AFF1: variants seen among roughly 807,000 people sequenced by gnomAD.
AFF1 encodes the protein AF4/FMR2 family member 1.
A neutral mutation model predicts 121.7 loss-of-function variants in AFF1; 48 were observed. The ratio of observed to expected loss-of-function variants is 0.39; its 90% CI spans 0.31 to 0.50. The LOEUF is 0.50. Among genes scored for constraint, AFF1 ranks in the 20% least tolerant of loss-of-function variants. AFF1 has a pLI of 0.76. For synonymous variants in AFF1, 613 were observed against 563.0 expected, an observed-to-expected ratio of 1.09 and a Z score of -1.26; for missense variants, 1,523 against 1,511.7, an observed-to-expected ratio of 1.01 and a Z score of -0.12.
intron 4 of AFF1, among the ~76,000 whole-genome samples, chr4:87,065,693 A>T (rs1332272562): frequency 1.3e-5 from 2 of 152,196 alleles, no homozygotes; most frequent in Non-Finnish European, 2.9e-5. Context: ...GAAGAAAAAT[A>T]AGTTTTAGGC....
chr4:87,131,338 T>C, intron 17 of AFF1, 119 bp downstream of exon 17: 3 of 1,353,872 alleles, frequency 2.2e-6, no homozygotes, highest in Non-Finnish European at 3.0e-6. Context: ...TTAAAAAAGT[T>C]ATTGGTCTAA....
At chr4:86,966,706 A>T (rs923276906) in intron 2 of AFF1, among the ~76,000 whole-genome samples, 2 of 152,156 alleles carry the variant, frequency 1.3e-5, no homozygotes, top group East Asian at 3.8e-4. Flanking sequence ...GCGTGTGGGC[A>T]TCTTCCTCTA....
At chr4:86,989,968 T>C (rs918973608) in intron 2 of AFF1, among the ~76,000 whole-genome samples, 9 of 151,958 alleles carry the variant, frequency 5.9e-5, no homozygotes, top group Admixed American at 2.0e-4. Flanking sequence ...TCAGTGGGAA[T>C]TGAACAGTGA....
chr4:87,056,276 T>A (rs975901842), intron 4 of AFF1, among the ~76,000 whole-genome samples: 4 of 152,206 alleles, frequency 2.6e-5, no homozygotes, highest in Admixed American at 1.3e-4. Flanking sequence ...TTACAAATAA[T>A]AGAACTCTGA....
chr4:87,029,085 G>A (rs1728815336), intron 2 of AFF1, among the ~76,000 whole-genome samples: 3 of 152,124 alleles, frequency 2.0e-5, no homozygotes, highest in Admixed American at 1.3e-4. Context: ...CTGAAATCGG[G>A]CAGGTTGTAA....
At chr4:87,022,492 A>AT (rs1728001923) in intron 2 of AFF1, among the ~76,000 whole-genome samples, 1 of 146,112 alleles carries the variant, frequency 6.8e-6, no homozygotes, top group Admixed American at 6.9e-5. Flanking sequence ...TAGCCCACAA[A>AT]ATCCAAATAA....
intron 2 of AFF1, among the ~76,000 whole-genome samples, chr4:86,973,227 C>T (rs766224232): frequency 6.6e-6 from 1 of 152,144 alleles, no homozygotes; most frequent in Non-Finnish European, 1.5e-5. Context: ...GTTCCTTTGG[C>T]AGCCAACTGT....
intron 2 of AFF1, among the ~76,000 whole-genome samples, chr4:87,027,676 T>A (rs1728654257): frequency 6.6e-6 from 1 of 152,184 alleles, no homozygotes; most frequent in African/African-American, 2.4e-5. Context: ...TTTAATGAAT[T>A]TCACAGTAAA....
chr4:87,090,257 C>G (rs1489413786), intron 6 of AFF1, among the ~76,000 whole-genome samples, 187 bp downstream of exon 6: 1 of 152,162 alleles, frequency 6.6e-6, no homozygotes, highest in East Asian at 1.9e-4. Flanking sequence ...TTAGAACATC[C>G]TAGATTTTCA....
At chr4:86,936,714 T>G (rs531794349) in intron 1 of AFF1, among the ~76,000 whole-genome samples, 1 of 152,320 alleles carries the variant, frequency 6.6e-6, no homozygotes, top group African/African-American at 2.4e-5. Context: ...CGGAAGTAGA[T>G]TCACAGGAGA....
At position 87,136,923 on chromosome 4, in the gene AFF1, A is replaced by G. The variant is rs972327397; in HGVS notation, c.*1222A>G. On this transcript the variant is annotated 3_prime_UTR_variant, in exon 21 of 21. Transcript: ENST00000395146. ...GAAAAACTCATCACCACATGCCTTC[A>G]CTCCAGAGTGTTCTCAGCTAGATTT... 1.4e-5 allele frequency: 3 copies of G among 220,672 alleles called. No individual in the cohort carries two copies. The highest frequency in any genetic ancestry group is 1.3e-4 in the East Asian group (2 of 14,962). 13.7% of individuals were successfully genotyped at this position (220,672 alleles called of 1,614,324 possible).
chr4:87,037,519 G>A (rs950330191), intron 2 of AFF1, among the ~76,000 whole-genome samples: 1 of 151,984 alleles, frequency 6.6e-6, no homozygotes, highest in African/African-American at 2.4e-5. Flanking sequence ...CACCATGTTC[G>A]CCAGGCTAGT....
At chr4:87,116,024 A>G (rs1727085198) in intron 12 of AFF1, among the ~76,000 whole-genome samples, 1 of 152,194 alleles carries the variant, frequency 6.6e-6, no homozygotes, top group Non-Finnish European at 1.5e-5. Context: ...ATTCTGAATT[A>G]TTAAAAGAAC....
At chr4:86,938,449 CA>C (rs35867614) in intron 1 of AFF1, among the ~76,000 whole-genome samples, 42,059 of 99,616 alleles carry the variant, frequency 0.42, 5,100 homozygotes, top group East Asian at 0.52. Flanking sequence ...GACTCCGTCT[CA>C]AAAAAAAAAA....
intron 8 of AFF1, among the ~76,000 whole-genome samples, chr4:87,096,060 A>T (rs1056593235): frequency 3.3e-5 from 5 of 152,146 alleles, no homozygotes; most frequent in African/African-American, 4.8e-5. Flanking sequence ...GCCATGACTA[A>T]ATGTGGGTCT....
chr4:87,104,672 TA>T (rs1725733199), intron 8 of AFF1, among the ~76,000 whole-genome samples: 1 of 152,206 alleles, frequency 6.6e-6, no homozygotes, highest in Non-Finnish European at 1.5e-5. Context: ...GGCTTTGCAG[TA>T]AAAATTGTTG....
chr4:87,093,143 A>T (rs1487173185), intron 7 of AFF1, among the ~76,000 whole-genome samples: 1 of 152,154 alleles, frequency 6.6e-6, no homozygotes, highest in African/African-American at 2.4e-5. Context: ...TTGGCCAGGG[A>T]TGGATCATCC....
chr4:87,132,975 C>A (rs1428565347), intron 19 of AFF1, among the ~76,000 whole-genome samples: 1 of 152,214 alleles, frequency 6.6e-6, no homozygotes, highest in Non-Finnish European at 1.5e-5. Flanking sequence ...ATGCCACAGG[C>A]GTGAGCCACC....
intron 2 of AFF1, among the ~76,000 whole-genome samples, chr4:86,951,615 CTTTTTTTCTTTTTTTT>C (rs1348815292): frequency 5.2e-4 from 65 of 124,970 alleles, no homozygotes; most frequent in East Asian, 1.1e-3. Flanking sequence ...TTTCTTTTTT[CTTTTTTTCTTTTTTTT>C]TTTTTTTTTT....
Sources: gnomAD v4.1 joint callset for allele counts (sites outside exome capture counted in the v4.1 genomes callset) on GRCh38, gnomAD v4.1.1 for gene constraint, MANE v1.5 for transcripts, NCBI Gene and HGNC (gene_info 2026-07-23, HGNC 2026-07-21) for gene names.